AQP9: variants seen among roughly 807,000 people sequenced by gnomAD.
The protein encoded by AQP9 is aquaporin 9.
In AQP9, 19 loss-of-function variants were observed where a neutral mutation model predicts 23.8. That is an observed-to-expected ratio of 0.80 (90% confidence interval 0.56 to 1.17). The LOEUF is 1.17. Among genes scored for constraint, AQP9 ranks in the 50% most tolerant of loss-of-function variants. The pLI, the probability that AQP9 is intolerant of heterozygous loss-of-function variation, is 0.00. For synonymous variants in AQP9, 153 were observed against 131.5 expected (o/e 1.16, Z -1.12); for missense variants, 413 against 362.0 (o/e 1.14, Z -1.14).
At chr15:58,141,478 T>A (rs745429993) in intron 1 of AQP9, among the ~76,000 whole-genome samples, 1 of 152,166 alleles carries the variant, frequency 6.6e-6, no homozygotes, top group Non-Finnish European at 1.5e-5. Context: ...TGGAAAAAAA[T>A]GCAAGTACTT....
chr15:58,160,256 A>ATT (rs11318219), intron 1 of AQP9, among the ~76,000 whole-genome samples: 19 of 149,312 alleles, frequency 1.3e-4, no homozygotes, highest in Non-Finnish European at 2.4e-4. Context: ...ATGCTTGAGC[A>ATT]TTTTTTTTTT....
chr15:58,145,013 CAA>C (rs66782655), intron 1 of AQP9, among the ~76,000 whole-genome samples: 12 of 50,742 alleles, frequency 2.4e-4, no homozygotes, highest in African/African-American at 3.9e-4. Flanking sequence ...GACTCCATCT[CAA>C]AAAAAAAAAA....
intron 2 of AQP9, among the ~76,000 whole-genome samples, chr15:58,171,477 C>A (rs1898620144): frequency 6.6e-6 from 1 of 152,184 alleles, no homozygotes; most frequent in Non-Finnish European, 1.5e-5. Flanking sequence ...AAACTTCCCA[C>A]TGCCCTGTGT....
At chr15:58,172,133 T>C (rs1898638705) in intron 2 of AQP9, among the ~76,000 whole-genome samples, 1 of 152,182 alleles carries the variant, frequency 6.6e-6, no homozygotes, top group Non-Finnish European at 1.5e-5. Flanking sequence ...GGCTCTAGAA[T>C]TCAGATAAAC....
intron 5 of AQP9, among the ~76,000 whole-genome samples, chr15:58,181,194 C>A (rs528436393): frequency 6.6e-6 from 1 of 152,332 alleles, no homozygotes; most frequent in South Asian, 2.1e-4. Flanking sequence ...TTGGAATCAC[C>A]TAATGTCCCA....
In AQP9 at chr15:58,166,705, T is replaced by C. The variant is rs1160018017; in HGVS notation, c.144T>C (p.Ile48=). The change falls in exon 2 of 6, where the codon ATT becomes ATC. Residue 48 remains isoleucine (I), a synonymous_variant. Transcript: ENST00000219919. Reference sequence around the variant, plus strand: ...GATGTGGCTGTGTTGCCCAAGCTATTCTCAGTCGAGGACGTTTTGGAGGGG... The same window carrying C: ...GATGTGGCTGTGTTGCCCAAGCTATCCTCAGTCGAGGACGTTTTGGAGGGG... The part of the protein sequence containing the change: ...VLGCGCVAQA[I]LSRGRFGGVI... The C allele has an allele frequency of 6.2e-7, 1 of 1,612,250 alleles. No homozygotes were observed. The highest frequency in any genetic ancestry group is 1.1e-5 in the South Asian group (1 of 90,724).
intron 5 of AQP9, among the ~76,000 whole-genome samples, chr15:58,179,859 T>C (rs1898843908): frequency 6.6e-6 from 1 of 152,158 alleles, no homozygotes; most frequent in Admixed American, 6.5e-5. Context: ...TTGAGCGATA[T>C]AATAAGTGCT....
At chr15:58,166,522 G>C (rs189743436) in intron 1 of AQP9, 151 bp from the exon 2 acceptor site, 2 of 1,039,822 alleles carry the variant, frequency 1.9e-6, no homozygotes, top group Non-Finnish European at 2.7e-6. Context: ...TTTGCTATCT[G>C]TGTATAGCTG....
chr15:58,166,353 T>C, intron 1 of AQP9, among the ~76,000 whole-genome samples: 1 of 152,348 alleles, frequency 6.6e-6, no homozygotes, highest in East Asian at 1.9e-4. Context: ...TGTGGGTCTA[T>C]AATTATCTCA....
At chr15:58,160,383 C>T (rs1898350324) in intron 1 of AQP9, among the ~76,000 whole-genome samples, 1 of 151,986 alleles carries the variant, frequency 6.6e-6, no homozygotes, top group Admixed American at 6.6e-5. Context: ...GTTGTTTGAG[C>T]TCCTTATATA....
At chr15:58,145,232 A>G (rs1189626679) in intron 1 of AQP9, among the ~76,000 whole-genome samples, 5 of 151,548 alleles carry the variant, frequency 3.3e-5, no homozygotes, top group African/African-American at 1.2e-4. Context: ...GCTGGGCACA[A>G]TGGCTGATGC....
intron 1 of AQP9, among the ~76,000 whole-genome samples, chr15:58,148,068 T>C (rs1019458598): frequency 6.6e-6 from 1 of 152,204 alleles, no homozygotes; most frequent in Non-Finnish European, 1.5e-5. Context: ...TAAAAACTTG[T>C]ACATATTCAT....
intron 4 of AQP9, 75 bp from the exon 5 acceptor site, chr15:58,179,053 A>G: frequency 9.5e-7 from 1 of 1,048,020 alleles, no homozygotes; most frequent in Non-Finnish European, 1.5e-6. Context: ...GTAAAATAGT[A>G]AGAAGGGATG....
At chr15:58,179,076 G>T in intron 4 of AQP9, 52 bp from the exon 5 acceptor site, 2 of 1,279,662 alleles carry the variant, frequency 1.6e-6, no homozygotes, top group Non-Finnish European at 2.3e-6. Context: ...TTTGAGACAT[G>T]CAGGTGAGCA....
At chr15:58,166,353 T>A (rs1898502528) in intron 1 of AQP9, among the ~76,000 whole-genome samples, 1 of 152,230 alleles carries the variant, frequency 6.6e-6, no homozygotes, top group Non-Finnish European at 1.5e-5. Flanking sequence ...TGTGGGTCTA[T>A]AATTATCTCA....
intron 1 of AQP9, among the ~76,000 whole-genome samples, chr15:58,142,889 T>C (rs181125588): frequency 3.3e-5 from 5 of 152,282 alleles, no homozygotes; most frequent in Non-Finnish European, 5.9e-5. Context: ...CAACAGATGC[T>C]AGATCAGAAG....
Position 58,184,141 on chromosome 15 carries a change from T to C in AQP9, c.*6T>C, listed in dbSNP as rs760535344. Reference sequence around the variant, plus strand: ...AACTCAGTGTCATCATGTAGTGGCATGCTCAGCTCTGGATTTGCAGTCAGT... The same window carrying C: ...AACTCAGTGTCATCATGTAGTGGCACGCTCAGCTCTGGATTTGCAGTCAGT... On this transcript the variant is annotated 3_prime_UTR_variant, in exon 6 of 6. Coordinates refer to ENST00000219919, the MANE Select transcript of AQP9 (RefSeq NM_020980.5). 6.2e-7 allele frequency: 1 copy of C among 1,612,684 alleles called. No individual in the cohort carries two copies. The highest frequency in any genetic ancestry group is 8.5e-7 in the Non-Finnish European group (1 of 1,179,014).
At position 58,138,652 on chromosome 15, in the gene AQP9, G is replaced by A. The variant is rs772510173; in HGVS notation, c.87G>A (p.Glu29=). The A allele has an allele frequency of 6.2e-7, 1 of 1,613,768 alleles. No individual in the cohort carries two copies. Among genetic ancestry groups the A allele is most frequent in the South Asian group, 1.1e-5 (1 of 91,074 alleles). ...GCTTAGCGAAAGAAACCCTCTCTGA[G>A]TTCTTGGGCACGTTCATCTTGATTG... ...KSSLAKETLS[E]FLGTFILIVL... The change falls in exon 1 of 6, where the codon GAG becomes GAA. Residue 29 remains glutamate, a synonymous_variant. Transcript: ENST00000219919.
intron 5 of AQP9, among the ~76,000 whole-genome samples, chr15:58,182,460 A>C (rs1329405114): frequency 1.3e-5 from 2 of 152,192 alleles, no homozygotes; most frequent in African/African-American, 4.8e-5. Context: ...CCAGCCAGTG[A>C]AGAGGACGTG....
Sources: allele counts gnomAD v4.1 joint callset (sites outside exome capture counted in the v4.1 genomes callset), GRCh38; gene constraint gnomAD v4.1.1; transcripts MANE v1.5; gene names NCBI Gene and HGNC (gene_info 2026-07-23, HGNC 2026-07-21).